GALNTL6: variants seen among roughly 807,000 people sequenced by gnomAD.
GALNTL6 encodes the protein polypeptide N-acetylgalactosaminyltransferase-like 6.
In GALNTL6, 46 loss-of-function variants were observed where a neutral mutation model predicts 73.7. The ratio of observed to expected loss-of-function variants is 0.62; its 90% CI spans 0.49 to 0.80. The LOEUF is 0.80. GALNTL6 is among the 30% of genes least tolerant of loss of function. The pLI is 0.00. For synonymous variants in GALNTL6, 259 were observed against 263.7 expected, an observed-to-expected ratio of 0.98 and a Z score of 0.17; for missense variants, 604 against 755.0, an observed-to-expected ratio of 0.80 and a Z score of 2.34.
chr4:172,037,486 G>T (rs1711799676), intron 2 of GALNTL6, among the ~76,000 whole-genome samples: 1 of 152,072 alleles, frequency 6.6e-6, no homozygotes, highest in South Asian at 2.1e-4. Context: ...ATACTGTGAT[G>T]CTATACCTGC....
At chr4:172,160,445 A>G (rs1462248852) in intron 2 of GALNTL6, among the ~76,000 whole-genome samples, 2 of 152,140 alleles carry the variant, frequency 1.3e-5, no homozygotes, top group Non-Finnish European at 2.9e-5. Flanking sequence ...GGAGTCACAT[A>G]AAAGTCCATT....
intron 2 of GALNTL6, among the ~76,000 whole-genome samples, chr4:171,915,144 G>C (rs1050643037): frequency 1.3e-5 from 2 of 152,086 alleles, no homozygotes; most frequent in African/African-American, 4.8e-5. Flanking sequence ...AAAAATGTAT[G>C]TTCATATATC....
chr4:172,714,236 A>G (rs1034837444), intron 5 of GALNTL6, among the ~76,000 whole-genome samples: 3 of 152,146 alleles, frequency 2.0e-5, no homozygotes, highest in Non-Finnish European at 4.4e-5. Flanking sequence ...GTTAGAAGCA[A>G]GATAGAGTTG....
intron 5 of GALNTL6, among the ~76,000 whole-genome samples, chr4:172,474,737 G>GT (rs1733172386): frequency 6.6e-6 from 1 of 151,980 alleles, no homozygotes; most frequent in South Asian, 2.1e-4. Context: ...AATAGTTCTT[G>GT]TTTTATATTA....
At chr4:172,488,390 A>AT in intron 5 of GALNTL6, among the ~76,000 whole-genome samples, 1 of 152,322 alleles carries the variant, frequency 6.6e-6, no homozygotes, top group Non-Finnish European at 1.5e-5. Flanking sequence ...GATGGTGTCT[A>AT]GGGGTAAATA....
At chr4:173,033,586 G>A (rs138689465) in intron 12 of GALNTL6, among the ~76,000 whole-genome samples, 12 of 152,214 alleles carry the variant, frequency 7.9e-5, no homozygotes, top group South Asian at 2.1e-4. Context: ...TAAGAGGTGG[G>A]AAAGCAGATC....
At chr4:172,520,369 C>T (rs1441793235) in intron 5 of GALNTL6, among the ~76,000 whole-genome samples, 3 of 151,938 alleles carry the variant, frequency 2.0e-5, no homozygotes, top group Non-Finnish European at 2.9e-5. Flanking sequence ...ACAGTTCTCA[C>T]TAGACAACTG....
At chr4:171,962,448 G>A (rs1184097701) in intron 2 of GALNTL6, among the ~76,000 whole-genome samples, 3 of 152,100 alleles carry the variant, frequency 2.0e-5, no homozygotes, top group Admixed American at 1.3e-4. Flanking sequence ...GTGACCTCTG[G>A]TCGTCCTCAT....
chr4:172,761,664 T>TCG (rs1421761443), intron 5 of GALNTL6, among the ~76,000 whole-genome samples: 2 of 102,100 alleles, frequency 2.0e-5, no homozygotes. Flanking sequence ...TCGCCCTTGC[T>TCG]CTCTTTCTCT....
At chr4:172,395,361 G>T (rs1232823133) in intron 5 of GALNTL6, among the ~76,000 whole-genome samples, 2 of 152,108 alleles carry the variant, frequency 1.3e-5, no homozygotes, top group Non-Finnish European at 2.9e-5. Flanking sequence ...ATTTATTAGA[G>T]TCAAACAGAA....
At chr4:172,731,339 T>C (rs1301955079) in intron 5 of GALNTL6, among the ~76,000 whole-genome samples, 1 of 152,168 alleles carries the variant, frequency 6.6e-6, no homozygotes, top group Non-Finnish European at 1.5e-5. Context: ...TGTGTTGGCA[T>C]GTAGTTGTTC....
In GALNTL6 at chr4:172,637,296, A is replaced by G. The variant is rs186646764; in HGVS notation, c.554-172065A>G. Among the ~76,000 whole-genome samples, 25 of 152,296 alleles carry G rather than the reference A, an allele frequency of 1.6e-4. No individual in the cohort carries two copies. The East Asian group carries it at 4.6e-3, about 28-fold the overall frequency. On this transcript the variant is annotated intron_variant, in intron 5 of 12. Coordinates refer to ENST00000506823, the MANE Select transcript of GALNTL6 (RefSeq NM_001034845.3). ...AATGTTTAGAAACTGTAAAATTTAT[A>G]CTAAAAATATTTAAGGCATTATTTA...
intron 5 of GALNTL6, among the ~76,000 whole-genome samples, chr4:172,773,457 C>T (rs1738893818): frequency 6.6e-6 from 1 of 152,010 alleles, no homozygotes; most frequent in Non-Finnish European, 1.5e-5. Flanking sequence ...ATTCTTTTGC[C>T]AAAATTTATG....
chr4:171,868,443 AG>A (rs1029673731), intron 2 of GALNTL6, among the ~76,000 whole-genome samples: 2 of 152,176 alleles, frequency 1.3e-5, no homozygotes, highest in African/African-American at 2.4e-5. Flanking sequence ...ATGACGGCAA[AG>A]TCGTCTCTTC....
chr4:172,143,670 C>T (rs1733856364), intron 2 of GALNTL6, among the ~76,000 whole-genome samples: 1 of 152,050 alleles, frequency 6.6e-6, no homozygotes, highest in Non-Finnish European at 1.5e-5. Flanking sequence ...CATTGACTAT[C>T]GTAATTTACT....
Position 171,819,002 on chromosome 4 carries a change from T to C in GALNTL6, c.138+4284T>C, listed in dbSNP as rs368031782. Among the ~76,000 whole-genome samples the C allele has an allele frequency of 3.3e-5, 5 of 152,014 alleles. No homozygotes were observed. The East Asian group carries it at 5.8e-4, about 18-fold the overall frequency. ...GTGTATGCAAACTGTCTTAGGCATT[T>C]TTTTTTTAACATGCTGATCACTAAA... On this transcript the variant is annotated intron_variant, in intron 2 of 12. Coordinates refer to ENST00000506823, the MANE Select transcript of GALNTL6 (RefSeq NM_001034845.3).
intron 5 of GALNTL6, among the ~76,000 whole-genome samples, chr4:172,743,267 A>G (rs1435117256): frequency 6.6e-6 from 1 of 151,986 alleles, no homozygotes; most frequent in African/African-American, 2.4e-5. Flanking sequence ...CACAGCCTAG[A>G]GTTGTTGCAG....
At chr4:172,263,688 C>T (rs1025222239) in intron 3 of GALNTL6, among the ~76,000 whole-genome samples, 10 of 151,286 alleles carry the variant, frequency 6.6e-5, no homozygotes, top group Middle Eastern at 3.2e-3. Context: ...GTCTTTCTTT[C>T]TCACATTTAA....
At chr4:172,734,743 G>T (rs534728406) in intron 5 of GALNTL6, among the ~76,000 whole-genome samples, 1 of 152,232 alleles carries the variant, frequency 6.6e-6, no homozygotes, top group East Asian at 1.9e-4. Flanking sequence ...GGTCTAGGAG[G>T]TAAAAATGGT....
Sources: allele counts gnomAD v4.1 joint callset (sites outside exome capture counted in the v4.1 genomes callset), GRCh38; gene constraint gnomAD v4.1.1; transcripts MANE v1.5; gene names NCBI Gene and HGNC (gene_info 2026-07-23, HGNC 2026-07-21).